KRT80: variants seen among roughly 807,000 people sequenced by gnomAD.
KRT80 encodes the protein keratin, type II cytoskeletal 80.
In KRT80, 36 loss-of-function variants were observed where a neutral mutation model predicts 51.5. The observed-to-expected ratio is 0.70, with a 90% CI of 0.54 to 0.92. The LOEUF (loss-of-function observed/expected upper bound fraction) is 0.92, where lower values mean the gene tolerates loss of function less well. KRT80 is among the 40% of genes least tolerant of loss of function. KRT80 has a pLI of 0.00. For synonymous variants in KRT80, 235 were observed against 248.3 expected, an observed-to-expected ratio of 0.95 and a Z score of 0.50; for missense variants, 566 against 591.7, an observed-to-expected ratio of 0.96 and a Z score of 0.45.
intron 1 of KRT80, among the ~76,000 whole-genome samples, chr12:52,188,609 A>G (rs1162672616): frequency 6.6e-6 from 1 of 152,196 alleles, no homozygotes; most frequent in African/African-American, 2.4e-5. Flanking sequence ...TTCTGCATAC[A>G]GGCAGGGGGA....
chr12:52,179,525 AG>A (rs1469364624), intron 4 of KRT80, among the ~76,000 whole-genome samples: 1 of 152,180 alleles, frequency 6.6e-6, no homozygotes, highest in Non-Finnish European at 1.5e-5. Context: ...AGTTCCACGG[AG>A]GCCCCAGCTG....
rs1199894635 is a variant in KRT80, at chr12:52,173,760, A to G, written c.671T>C (p.Leu224Pro). 1.2e-6 allele frequency: 2 copies of G among 1,610,164 alleles called. No homozygotes were observed. Among genetic ancestry groups the G allele is most frequent in the Non-Finnish European group, 1.7e-6 (2 of 1,179,934 alleles). Reference protein sequence around the residue: ...ELMKTIYEQELKDLAAQVKDV... With the variant: ...ELMKTIYEQEPKDLAAQVKDV... ...CTTCACCTGTGCTGCCAGGTCCTTC[A>G]GCTCCTGACCGGGCACAGATGTGGG... The change falls in exon 5 of 9, where the codon CTG (leucine) becomes CCG (proline). Residue 224 changes from leucine to proline, a missense_variant. By Grantham distance (98) the Leu-to-Pro change is moderately conservative (BLOSUM62 -3). Coordinates refer to ENST00000394815, the MANE Select transcript of KRT80 (RefSeq NM_182507.3).
At chr12:52,187,795 C>G (rs1022633533) in intron 1 of KRT80, among the ~76,000 whole-genome samples, 1 of 152,138 alleles carries the variant, frequency 6.6e-6, no homozygotes, top group Non-Finnish European at 1.5e-5. Context: ...CTGCTCACCC[C>G]ACCTTGCCTC....
intron 2 of KRT80, 138 bp from the exon 3 acceptor site, chr12:52,181,101 T>C: frequency 1.7e-6 from 1 of 572,100 alleles, no homozygotes; most frequent in Non-Finnish European, 2.9e-6. Context: ...CCCATCCTTC[T>C]CCCTCTTGCA....
chr12:52,191,748 G>A lies in KRT80; in HGVS notation c.155C>T (p.Ala52Val). 1 of 1,613,436 alleles carries A rather than the reference G, an allele frequency of 6.2e-7. No homozygotes were observed. Among genetic ancestry groups the A allele is most frequent in the Non-Finnish European group, 8.5e-7 (1 of 1,179,884 alleles). The change falls in exon 1 of 9, where the codon GCT (alanine) becomes GTT (valine). Residue 52 changes from alanine (A) to valine (V), a missense_variant. Coordinates refer to ENST00000394815, the MANE Select transcript of KRT80 (RefSeq NM_182507.3). ...SSRSLTGCWS[A>V]GTISKVTVNP... is the part of the protein sequence containing the mutation. ...CACAGTCACCTTGGAGATAGTGCCAGCCGACCAGCAGCCTGTGAGGCTGCG... is the reference window on the plus strand; with the variant it reads ...CACAGTCACCTTGGAGATAGTGCCAACCGACCAGCAGCCTGTGAGGCTGCG...
At chr12:52,180,398 G>T (rs1432291459) in intron 4 of KRT80, 115 bp downstream of exon 4, 1 of 612,132 alleles carries the variant, frequency 1.6e-6, no homozygotes, top group Admixed American at 2.9e-5. Context: ...GCTGGAAATT[G>T]TAAGTGACTG....
intron 2 of KRT80, 71 bp downstream of exon 2, chr12:52,185,308 G>T: frequency 7.1e-7 from 1 of 1,410,124 alleles, no homozygotes; most frequent in Non-Finnish European, 9.7e-7. Flanking sequence ...TGGCTTAAGT[G>T]CCTCCCATCT....
intron 1 of KRT80, chr12:52,185,864 G>T: frequency 1.9e-6 from 1 of 528,336 alleles, no homozygotes; most frequent in South Asian, 2.0e-5. Context: ...GGGGTAAGAG[G>T]GTGTGAGAGT....
intron 1 of KRT80, among the ~76,000 whole-genome samples, chr12:52,189,366 T>G (rs1941448843): frequency 6.6e-6 from 1 of 152,236 alleles, no homozygotes; most frequent in Non-Finnish European, 1.5e-5. Flanking sequence ...CCAGGCCCAT[T>G]TATTTCATTT....
At chr12:52,171,758 G>A (rs1941109010) in intron 7 of KRT80, 45 bp from the exon 8 acceptor site, 1 of 1,316,616 alleles carries the variant, frequency 7.6e-7, no homozygotes, top group African/African-American at 1.5e-5. Flanking sequence ...ATGATGGGAT[G>A]CGAAGAGAGC....
chr12:52,191,419 T>A (rs953364732), intron 1 of KRT80, among the ~76,000 whole-genome samples, 184 bp downstream of exon 1: 5 of 152,136 alleles, frequency 3.3e-5, no homozygotes, highest in Admixed American at 6.5e-5. Flanking sequence ...CATGCCAGGA[T>A]GGATCAGGGA....
Position 52,173,538 on chromosome 12 carries a change from C to T in KRT80, c.831+62G>A, listed in dbSNP as rs1308270818. The T allele has an allele frequency of 1.9e-6, 3 of 1,558,750 alleles. No individual in the cohort carries two copies. In the African/African-American group the frequency reaches 4.0e-5, roughly 21 times the overall value. On this transcript the variant is annotated intron_variant, in intron 5 of 8. Transcript: ENST00000394815. Reference sequence around the variant, plus strand: ...GCAACCTCAGCCATCACCAGTCCAGCCCTTCCTGCCACCCAGAGAACTGTC... The same window carrying T: ...GCAACCTCAGCCATCACCAGTCCAGTCCTTCCTGCCACCCAGAGAACTGTC...
chr12:52,188,109 T>G (rs1265160219), intron 1 of KRT80, among the ~76,000 whole-genome samples: 1 of 152,056 alleles, frequency 6.6e-6, no homozygotes, highest in Non-Finnish European at 1.5e-5. Flanking sequence ...ATTCCCCACT[T>G]GGGACCTTCC....
rs778848636 is a variant in KRT80, at chr12:52,171,240, C to A, written c.*158G>T. 3 of 744,254 alleles carry A rather than the reference C, an allele frequency of 4.0e-6. No homozygotes were observed. Among genetic ancestry groups the A allele is most frequent in the Non-Finnish European group, 6.6e-6 (3 of 456,804 alleles). The allele number at this position is 744,254 out of a possible 1,614,324, so 46.1% of individuals were successfully genotyped here. A position where few individuals can be genotyped will look rare whatever the true frequency, so the allele number is the denominator to read the frequency against. On this transcript the variant is annotated 3_prime_UTR_variant, in exon 9 of 9. Coordinates refer to ENST00000394815, the MANE Select transcript of KRT80 (RefSeq NM_182507.3). ...TGGTGATGCTCCTCTCCCACCCTGG[C>A]AGCCCACAAAACACAGTCAGTTTTG...
intron 4 of KRT80, among the ~76,000 whole-genome samples, chr12:52,177,781 G>C (rs1488923742): frequency 6.6e-6 from 1 of 152,072 alleles, no homozygotes; most frequent in Non-Finnish European, 1.5e-5. Context: ...TGAAACTAGA[G>C]TATCAGGGCC....
chr12:52,171,715 TGGGGGTGGGGGACG>T lies in KRT80; in HGVS notation c.1179-16_1179-3del. On this transcript the variant is annotated splice_polypyrimidine_tract_variant and splice_region_variant and intron_variant, in intron 7 of 8. Transcript: ENST00000394815. ...ACAGTGGCTGAGGGCGAGTCCATCCTGGGGGTGGGGGACGGGGGGGTGGGAGAGGGATATGATGG... is the reference window on the plus strand; with the variant it reads ...ACAGTGGCTGAGGGCGAGTCCATCCTGGGGGGTGGGAGAGGGATATGATGG... The T allele has an allele frequency of 8.8e-6, 1 of 113,100 alleles. No individual in the cohort carries two copies. The highest frequency in any genetic ancestry group is 1.7e-5 in the Non-Finnish European group (1 of 58,122). 7.0% of individuals were successfully genotyped at this position (113,100 alleles called of 1,614,324 possible).
chr12:52,187,683 C>T (rs1941426736), intron 1 of KRT80, among the ~76,000 whole-genome samples: 1 of 152,310 alleles, frequency 6.6e-6, no homozygotes, highest in Middle Eastern at 3.4e-3. Flanking sequence ...TAATCCTGCT[C>T]TCTGCTGTAC....
chr12:52,181,563 A>G (rs1044314692), intron 2 of KRT80, among the ~76,000 whole-genome samples: 1 of 152,140 alleles, frequency 6.6e-6, no homozygotes, highest in Non-Finnish European at 1.5e-5. Context: ...TCCTGCCTCT[A>G]AGGGGTAGGC....
intron 1 of KRT80, 93 bp from the exon 2 acceptor site, chr12:52,185,680 C>T: frequency 1.3e-6 from 2 of 1,540,912 alleles, no homozygotes; most frequent in Non-Finnish European, 1.7e-6. Context: ...GGAGGGCTCC[C>T]TGGGAAGTGG....
Sources: allele counts gnomAD v4.1 joint callset (sites outside exome capture counted in the v4.1 genomes callset), GRCh38; gene constraint gnomAD v4.1.1; transcripts MANE v1.5; gene names NCBI Gene and HGNC (gene_info 2026-07-23, HGNC 2026-07-21).